The following COL6A2 variants were observed in gnomAD, a reference collection of about 807,000 sequenced individuals.
The protein encoded by COL6A2 is collagen type VI alpha 2 chain, also known as collagen alpha-2(VI) chain.
A neutral mutation model predicts 124.9 loss-of-function variants in COL6A2; 90 were observed. The ratio of observed to expected loss-of-function variants is 0.72; its 90% confidence interval spans 0.61 to 0.86. The LOEUF is 0.86. Among genes scored for constraint, COL6A2 ranks in the 40% least tolerant of loss-of-function variants. The pLI, the probability that COL6A2 is intolerant of heterozygous loss-of-function variation, is 0.00. For synonymous variants in COL6A2, 793 were observed against 618.2 expected, an observed-to-expected ratio of 1.28 and a Z score of -4.19; for missense variants, 1,607 against 1,502.5, an observed-to-expected ratio of 1.07 and a Z score of -1.15.
Position 46,115,998 on chromosome 21 carries a change from G to A in COL6A2, c.856-11G>A. 6.2e-7 allele frequency: 1 copy of A among 1,611,550 alleles called. No homozygotes were observed. The highest frequency in any genetic ancestry group is 8.5e-7 in the Non-Finnish European group (1 of 1,179,416). ...AGGGCTGGGCTCACACTGCTGCGTT[G>A]TCCTTCACAGGGAGACCCGGGCATC... On this transcript the variant is annotated splice_polypyrimidine_tract_variant and intron_variant, in intron 6 of 27. Transcript: ENST00000300527.
chr21:46,125,386 C>A, intron 24 of COL6A2, 75 bp downstream of exon 24: 1 of 1,605,002 alleles, frequency 6.2e-7, no homozygotes, highest in Non-Finnish European at 8.5e-7. Flanking sequence ...GCTGGGTCAT[C>A]GCTGGGTCCT....
chr21:46,111,305 G>A (rs2078394948), intron 1 of COL6A2, 145 bp from the exon 2 acceptor site: 1 of 597,092 alleles, frequency 1.7e-6, no homozygotes, highest in Non-Finnish European at 3.0e-6. Flanking sequence ...TGGTGACGGT[G>A]TGTGCTGGGC....
chr21:46,125,041 G>C, intron 23 of COL6A2, 121 bp downstream of exon 23: 1 of 1,312,334 alleles, frequency 7.6e-7, no homozygotes, highest in South Asian at 1.2e-5. Context: ...GAGGAGGTCA[G>C]AGGGCAAGGT....
At chr21:46,124,527 G>A (rs2078628478) in intron 21 of COL6A2, 124 bp from the exon 22 acceptor site, 2 of 795,572 alleles carry the variant, frequency 2.5e-6, no homozygotes, top group African/African-American at 2.2e-5. Context: ...CTTACTCCTT[G>A]CACCTGTTAG....
In COL6A2 at chr21:46,132,083, C is replaced by T. The variant is rs200488881; in HGVS notation, c.2591C>T (p.Thr864Met). ...RFVEQVARRLTLARRDDDPLN... is the reference protein window; with the variant it reads ...RFVEQVARRLMLARRDDDPLN... The stretch of plus-strand genomic sequence containing the variant: ...GTGGAGCAGGTGGCGCGGCGGCTGA[C>T]GCTGGCCCGGAGGGACGACGACCCT... The change falls in exon 28 of 28, where the codon ACG (threonine) becomes ATG (methionine). Residue 864 changes from threonine (T) to methionine (M), a missense_variant. Thr to Met is a moderately conservative substitution (Grantham distance 81). Coordinates refer to ENST00000300527, the MANE Select transcript of COL6A2 (RefSeq NM_001849.4). 25 of 1,600,990 alleles carry T rather than the reference C, an allele frequency of 1.6e-5. No individual in the cohort carries two copies. The highest frequency in any genetic ancestry group is 6.7e-5 in the African/African-American group (5 of 74,666).
chr21:46,115,715 T>C (rs1166887697), intron 5 of COL6A2, among the ~76,000 whole-genome samples, 157 bp from the exon 6 acceptor site: 1 of 152,200 alleles, frequency 6.6e-6, no homozygotes, highest in Non-Finnish European at 1.5e-5. Flanking sequence ...TGACAGAGGC[T>C]GGCCCTTTGG....
chr21:46,122,045 G>A, intron 18 of COL6A2, 63 bp from the exon 19 acceptor site: 7 of 1,560,860 alleles, frequency 4.5e-6, no homozygotes, highest in Non-Finnish European at 6.2e-6. Context: ...GCCCTGTTGA[G>A]CACAGCCCCC....
chr21:46,118,659 G>C lies in COL6A2; in HGVS notation c.1162G>C (p.Gly388Arg). The C allele has an allele frequency of 6.2e-7, 1 of 1,611,490 alleles. No homozygotes were observed. The change falls in exon 13 of 28, where the codon GGG (glycine) becomes CGG (arginine). Residue 388 changes from glycine (G) to arginine (R), a missense_variant. By Grantham distance (125) the Gly-to-Arg change is moderately radical. This residue lies in a region of COL6A2 where 1,223 missense variants were observed against 1,052.2 expected (regional missense o/e 1.16). Coordinates refer to ENST00000300527, the MANE Select transcript of COL6A2 (RefSeq NM_001849.4). Reference protein sequence around the residue: ...PGRRGPPGEIGAKGSKGYQGN... With the variant: ...PGRRGPPGEIRAKGSKGYQGN... ...ACGCAGAGGGCCCCCGGGAGAAATC[G>C]GGGCCAAGGGAAGCAAGGTGAGCCC...
intron 1 of COL6A2, among the ~76,000 whole-genome samples, chr21:46,098,438 G>A (rs1406678451): frequency 1.7e-5 from 2 of 116,072 alleles, no homozygotes; most frequent in African/African-American, 6.4e-5. Flanking sequence ...CTCTGGGGCG[G>A]AGCCGGCCTG....
chr21:46,104,692 G>A (rs1164050608), intron 1 of COL6A2, among the ~76,000 whole-genome samples: 1 of 152,080 alleles, frequency 6.6e-6, no homozygotes, highest in Non-Finnish European at 1.5e-5. Context: ...AGCCCAAAAA[G>A]CTCCAAGCAG....
chr21:46,129,369 G>A lies in COL6A2; in HGVS notation c.2462-2585G>A, dbSNP rs145838734. 1,061 of 1,612,870 alleles carry A rather than the reference G, an allele frequency of 6.6e-4. 2 individuals carry two copies. Among genetic ancestry groups the A allele is most frequent in the Admixed American group, 2.1e-3 (125 of 59,998 alleles). On this transcript the variant is annotated intron_variant, in intron 27 of 27. Transcript: ENST00000300527. ...GGTGGCCGTGCTGGTCTACACCGCC[G>A]AGCGGGCCAAGTTCGCCACCGGGGT...
intron 14 of COL6A2, 33 bp downstream of exon 14, chr21:46,119,152 G>A (rs371732833): frequency 3.7e-5 from 56 of 1,512,332 alleles, no homozygotes; most frequent in South Asian, 1.5e-4. Context: ...TCAGGGCCCC[G>A]CTCTGGGCAT....
chr21:46,126,057 T>C lies in COL6A2; in HGVS notation c.2242T>C (p.Cys748Arg). 2 of 1,612,988 alleles carry C rather than the reference T, an allele frequency of 1.2e-6. No individual in the cohort carries two copies. The highest frequency in any genetic ancestry group is 1.7e-6 in the Non-Finnish European group (2 of 1,179,994). ...RDDDLNLRAL[C>R]DRDVTVTAIG... ...CGATGACCTCAACTTGCGGGCGCTGTGCGACCGCGACGTCACAGTGACGGC... is the reference window on the plus strand; with the variant it reads ...CGATGACCTCAACTTGCGGGCGCTGCGCGACCGCGACGTCACAGTGACGGC... Residue 748 changes from cysteine to arginine, a missense_variant, in exon 26 of 28, where the codon TGC becomes CGC. By Grantham distance (180) the Cys-to-Arg change is radical (BLOSUM62 -3). Transcript: ENST00000300527.
chr21:46,112,961 C>A, intron 4 of COL6A2, 137 bp downstream of exon 4: 2 of 1,146,064 alleles, frequency 1.7e-6, no homozygotes, highest in Non-Finnish European at 2.6e-6. Context: ...CATGTTGGAC[C>A]TGAGGCCTTG....
chr21:46,122,804 T>G, intron 20 of COL6A2, 71 bp from the exon 21 acceptor site: 1 of 1,481,164 alleles, frequency 6.8e-7, no homozygotes, highest in East Asian at 2.3e-5. Context: ...TTTTTCCACA[T>G]AAAAATCTCA....
In COL6A2 at chr21:46,126,972, G is replaced by A. The variant is rs947451861; in HGVS notation, c.2461+431G>A. Among the ~76,000 whole-genome samples the A allele has an allele frequency of 2.0e-5, 3 of 152,012 alleles. 1 individual carries two copies. The East Asian group carries it at 5.9e-4, about 30-fold the overall frequency. On this transcript the variant is annotated intron_variant, in intron 27 of 27. Coordinates refer to ENST00000300527, the MANE Select transcript of COL6A2 (RefSeq NM_001849.4). ...ACACCCCCCAGCACCAGCAGGTCTTGCTCCAACCCTGGCCTGCCTCGGAGC... is the reference window on the plus strand; with the variant it reads ...ACACCCCCCAGCACCAGCAGGTCTTACTCCAACCCTGGCCTGCCTCGGAGC...
At position 46,112,533 on chromosome 21, in the gene COL6A2, AC is replaced by A; in HGVS notation, c.672del (p.Glu225ArgfsTer14). 1 of 1,612,032 alleles carries A rather than the reference AC, an allele frequency of 6.2e-7. No individual in the cohort carries two copies. Among genetic ancestry groups the A allele is most frequent in the Non-Finnish European group, 8.5e-7 (1 of 1,179,854 alleles). On this transcript the variant is annotated frameshift_variant, in exon 3 of 28. Coordinates refer to ENST00000300527, the MANE Select transcript of COL6A2 (RefSeq NM_001849.4). LOFTEE classifies it high-confidence loss of function. ...NDYATMLPDS[T>X]EIDQDTINRI... ...CTACGCCACCATGCTGCCCGACTCC[AC>A]CGAGATCGACCAGGACACCATCAAC... is the stretch of plus-strand genomic sequence containing the variant.
chr21:46,123,479 G>C (rs905145311), intron 21 of COL6A2, among the ~76,000 whole-genome samples: 4 of 152,118 alleles, frequency 2.6e-5, no homozygotes, highest in African/African-American at 9.7e-5. Context: ...GTCTGGAACT[G>C]AGCACAAAAC....
At chr21:46,126,848 C>T (rs1053549741) in intron 27 of COL6A2, among the ~76,000 whole-genome samples, 1 of 152,164 alleles carries the variant, frequency 6.6e-6, no homozygotes, top group African/African-American at 2.4e-5. Flanking sequence ...TTGCAGTCTC[C>T]CTCAGCTGCC....
Sources: allele counts gnomAD v4.1 joint callset (sites outside exome capture counted in the v4.1 genomes callset), GRCh38; gene constraint gnomAD v4.1.1; regional missense constraint gnomAD v4.1.1; transcripts MANE v1.5; gene names NCBI Gene and HGNC (gene_info 2026-07-23, HGNC 2026-07-21).